The following RAF1 variants were observed in gnomAD, a reference collection of about 807,000 sequenced individuals.
The protein encoded by RAF1 is RAF proto-oncogene serine/threonine-protein kinase.
Under a neutral mutation model 81.1 loss-of-function variants are expected in RAF1, and 27 were observed. That is an observed-to-expected ratio of 0.33 (90% confidence interval 0.25 to 0.46). The LOEUF is 0.46. Among genes scored for constraint, RAF1 ranks in the 20% least tolerant of loss-of-function variants. The pLI is 1.00. For synonymous variants in RAF1, 298 were observed against 294.0 expected (o/e 1.01, Z -0.14); for missense variants, 598 against 826.0 (o/e 0.72, Z 3.38).
chr3:12,644,958 G>C (rs182500878), intron 1 of RAF1, among the ~76,000 whole-genome samples: 271 of 151,992 alleles, frequency 1.8e-3, no homozygotes, highest in Non-Finnish European at 2.8e-3. Context: ...TATTAGCTGG[G>C]CATGGTGGCA....
At chr3:12,657,952 G>A (rs1321769559) in intron 1 of RAF1, among the ~76,000 whole-genome samples, 1 of 151,636 alleles carries the variant, frequency 6.6e-6, no homozygotes, top group African/African-American at 2.4e-5. Flanking sequence ...TCTACTTTCT[G>A]TCACTAAGGA....
intron 11 of RAF1, among the ~76,000 whole-genome samples, chr3:12,596,252 T>C (rs900987170): frequency 6.7e-6 from 1 of 149,396 alleles, no homozygotes; most frequent in Non-Finnish European, 1.5e-5. Context: ...TGGAGTGCTG[T>C]GGTATGATCT....
chr3:12,647,200 G>A (rs1376621102), intron 1 of RAF1, among the ~76,000 whole-genome samples: 1 of 151,952 alleles, frequency 6.6e-6, no homozygotes, highest in Non-Finnish European at 1.5e-5. Context: ...GAAGGCTGAG[G>A]CAGGAGAATG....
chr3:12,587,431 A>G (rs898282555), intron 14 of RAF1, 160 bp downstream of exon 13: 19 of 759,958 alleles, frequency 2.5e-5, no homozygotes, highest in Non-Finnish European at 4.5e-5. Flanking sequence ...GGGACAGGCC[A>G]AGCCTACTAA....
At chr3:12,606,398 G>T in intron 5 of RAF1, 99 bp from the exon 6 acceptor site, 2 of 819,614 alleles carry the variant, frequency 2.4e-6, no homozygotes, top group Middle Eastern at 2.3e-4. Context: ...TACTAAAACT[G>T]AACTTTTCCC....
At chr3:12,660,491 T>C (rs1389831601) in intron 1 of RAF1, among the ~76,000 whole-genome samples, 7 of 152,070 alleles carry the variant, frequency 4.6e-5, no homozygotes, top group Non-Finnish European at 1.0e-4. Flanking sequence ...TGTGTGTATT[T>C]TTTGTAGGGA....
intron 14 of RAF1, 64 bp downstream of exon 13, chr3:12,587,527 C>A: frequency 7.0e-7 from 1 of 1,432,412 alleles, no homozygotes; most frequent in East Asian, 2.3e-5. Flanking sequence ...TGATAGAAAG[C>A]CTCCCTTCTG....
chr3:12,605,250 ATGTGTG>A lies in RAF1; in HGVS notation c.680+945_680+950del, dbSNP rs139616156. On this transcript the variant is annotated intron_variant, in intron 6 of 17. Transcript: ENST00000442415. ...ATTAAACATTATCTGATTACACATT[ATGTGTG>A]TGTGTGTGTGTGTGTGTGTGTGTGT... 1.9e-3 allele frequency among the ~76,000 whole-genome samples: 279 copies of A among 144,628 alleles called. 1 individual carries two copies. Among genetic ancestry groups the A allele is most frequent in the African/African-American group, 6.2e-3 (240 of 38,794 alleles). 94.9% of individuals were successfully genotyped at this position (144,628 alleles called of 152,430 possible).
intron 2 of RAF1, among the ~76,000 whole-genome samples, chr3:12,614,319 G>A (rs570042954): frequency 4.4e-4 from 67 of 152,144 alleles, no homozygotes; most frequent in Non-Finnish European, 8.2e-4. Flanking sequence ...GGAAAGGAGT[G>A]GATGAAAACA....
Position 12,603,017 on chromosome 3 carries a change from T to TA in RAF1, c.894+460dup, listed in dbSNP as rs201273382. Among the ~76,000 whole-genome samples the TA allele has an allele frequency of 5.1e-3, 773 of 150,150 alleles. 6 individuals carry two copies. The highest frequency in any genetic ancestry group is 0.017 in the African/African-American group (711 of 41,010). On this transcript the variant is annotated intron_variant, in intron 8 of 17. Coordinates refer to ENST00000442415, the MANE Select transcript of RAF1 (RefSeq NM_001354689.3). ...CATTAGCCTTTGGTTGGAATTGATT[T>TA]AAAAAAAAAACTTTTTAATGCCCTT...
intron 4 of RAF1, 114 bp from the exon 5 acceptor site, chr3:12,609,037 G>T: frequency 8.1e-7 from 1 of 1,237,196 alleles, no homozygotes; most frequent in Non-Finnish European, 1.2e-6. Context: ...CTTCCAGCAT[G>T]TACAGAATTC....
chr3:12,604,172 G>A lies in RAF1; in HGVS notation c.798C>T (p.Val266=). Residue 266 remains valine (V), a synonymous_variant, in exon 7 of 18, where the codon GTC becomes GTT. Coordinates refer to ENST00000442415, the MANE Select transcript of RAF1 (RefSeq NM_001354689.3). ...TGCTGTCCACAGGCAGGGTGGTGCT[G>A]ACCATGTGGACATTAGGTGTGGATG... The A allele has an allele frequency of 6.2e-7, 1 of 1,614,146 alleles. No homozygotes were observed. The highest frequency in any genetic ancestry group is 1.1e-5 in the South Asian group (1 of 91,060).
At chr3:12,644,379 G>C (rs1310496256) in intron 1 of RAF1, among the ~76,000 whole-genome samples, 1 of 152,108 alleles carries the variant, frequency 6.6e-6, no homozygotes, top group Non-Finnish European at 1.5e-5. Flanking sequence ...GTTTTCTCAT[G>C]GATTGTACTG....
intron 6 of RAF1, 97 bp downstream of exon 6, chr3:12,606,104 G>A: frequency 1.2e-6 from 1 of 841,646 alleles, no homozygotes; most frequent in East Asian, 2.7e-5. Flanking sequence ...ACGTAGAGAG[G>A]AGGGAATGCG....
chr3:12,659,843 C>T (rs1192303938), intron 1 of RAF1, among the ~76,000 whole-genome samples: 1 of 152,146 alleles, frequency 6.6e-6, no homozygotes, highest in Non-Finnish European at 1.5e-5. Context: ...AAGCTCCTCC[C>T]AAGCTCAAGA....
chr3:12,628,585 GA>G (rs940305183), intron 1 of RAF1, among the ~76,000 whole-genome samples: 9 of 152,036 alleles, frequency 5.9e-5, no homozygotes, highest in African/African-American at 9.6e-5. Context: ...GTGTTAATAA[GA>G]AAAAAATCTC....
In RAF1 at chr3:12,590,908, C is replaced by G. The variant is rs2058494487; in HGVS notation, c.1320G>C (p.Val440=). 1 of 1,613,344 alleles carries G rather than the reference C, an allele frequency of 6.2e-7. No homozygotes were observed. Among genetic ancestry groups the G allele is most frequent in the African/African-American group, 1.3e-5 (1 of 74,892 alleles). Residue 440 remains valine (V), a synonymous_variant, in exon 13 of 18, where the codon GTG becomes GTC. Transcript: ENST00000442415. ...GGCTGCTGCCCTCGCACCACTGGGT[C>G]ACAATTGCCAGGTTGTCCTTTGTCA...
intron 2 of RAF1, among the ~76,000 whole-genome samples, chr3:12,616,061 C>T (rs2059359607): frequency 6.6e-6 from 1 of 151,676 alleles, no homozygotes; most frequent in South Asian, 2.1e-4. Flanking sequence ...AAAAAAAATA[C>T]ATATAATAAT....
chr3:12,618,970 G>A (rs1382527705), intron 1 of RAF1, among the ~76,000 whole-genome samples: 3 of 152,196 alleles, frequency 2.0e-5, no homozygotes, highest in Non-Finnish European at 2.9e-5. Flanking sequence ...CAACTGCGGG[G>A]CACGGTGGCT....
Sources: allele counts gnomAD v4.1 joint callset (sites outside exome capture counted in the v4.1 genomes callset), GRCh38; gene constraint gnomAD v4.1.1; transcripts MANE v1.5; gene names NCBI Gene and HGNC (gene_info 2026-07-23, HGNC 2026-07-21).